ATP2C2: variants seen among roughly 807,000 people sequenced by gnomAD.
ATP2C2 encodes the protein calcium-transporting ATPase type 2C member 2.
A neutral mutation model predicts 110.8 loss-of-function variants in ATP2C2; 171 were observed. The observed-to-expected ratio is 1.54, with a 90% CI of 1.36 to 1.75. The LOEUF (loss-of-function observed/expected upper bound fraction) is 1.75. ATP2C2 is among the 40% of genes most tolerant of loss of function. ATP2C2 has a pLI of 0.00. For missense variants in ATP2C2, 1,963 were observed against 1,235.0 expected (o/e 1.59, Z -8.84); for synonymous variants, 804 against 508.4 (o/e 1.58, Z -7.82).
At chr16:84,384,737 C>T (rs1904298410) in intron 1 of ATP2C2, among the ~76,000 whole-genome samples, 1 of 152,104 alleles carries the variant, frequency 6.6e-6, no homozygotes. Flanking sequence ...TACATTAGTC[C>T]CTTCTCACAC....
intron 1 of ATP2C2, among the ~76,000 whole-genome samples, chr16:84,392,120 A>G (rs1904700942): frequency 6.6e-6 from 1 of 152,144 alleles, no homozygotes; most frequent in African/African-American, 2.4e-5. Context: ...TAATGGAATG[A>G]GCCCACATGA....
chr16:84,459,320 C>G lies in ATP2C2; in HGVS notation c.2267C>G (p.Pro756Arg). The G allele has an allele frequency of 6.2e-7, 1 of 1,614,200 alleles. No homozygotes were observed. The highest frequency in any genetic ancestry group is 1.3e-5 in the African/African-American group (1 of 75,044). ...LITLSTVFNL[P>R]SPLNAMQILW... ...ACTCTGTCCACCGTGTTCAACCTGC[C>G]CAGCCCCCTCAACGCCATGCAGATC... Residue 756 changes from proline (P) to arginine (R), a missense_variant, in exon 23 of 27, where the codon CCC becomes CGC. Pro to Arg is a moderately radical substitution (Grantham distance 103). Transcript: ENST00000262429.
intron 1 of ATP2C2, among the ~76,000 whole-genome samples, chr16:84,370,564 C>T (rs1320121754): frequency 6.6e-6 from 1 of 152,138 alleles, no homozygotes; most frequent in Non-Finnish European, 1.5e-5. Flanking sequence ...CAGACCTGAA[C>T]ACCTCCTTTG....
At chr16:84,444,077 G>A (rs764317760) in intron 15 of ATP2C2, among the ~76,000 whole-genome samples, 14 of 149,632 alleles carry the variant, frequency 9.4e-5, no homozygotes, top group Non-Finnish European at 2.1e-4. Context: ...TGAGGCAGGA[G>A]GATCCCTTGA....
At position 84,448,565 on chromosome 16, in the gene ATP2C2, C is replaced by G. The variant is rs367631917; in HGVS notation, c.1536C>G (p.Ala512=). The part of the protein sequence containing the change: ...DQEDIYFMKG[A]LEEVIRYCTM... ...AAGACATTTACTTCATGAAAGGGGC[C>G]TTGGAAGAGGTGATCCGCTACTGCA... Residue 512 remains alanine (A), a synonymous_variant, in exon 17 of 27, where the codon GCC becomes GCG. Coordinates refer to ENST00000262429, the MANE Select transcript of ATP2C2 (RefSeq NM_014861.4). 1 of 1,613,296 alleles carries G rather than the reference C, an allele frequency of 6.2e-7. No individual in the cohort carries two copies. The highest frequency in any genetic ancestry group is 8.5e-7 in the Non-Finnish European group (1 of 1,179,514).
intron 6 of ATP2C2, 165 bp downstream of exon 6, chr16:84,410,930 G>T (rs1249034681): frequency 4.4e-6 from 3 of 678,028 alleles, no homozygotes; most frequent in South Asian, 1.7e-5. Context: ...ATAGGTCGCT[G>T]TGTGTCCTCG....
chr16:84,409,013 CCAGA>C (rs1906035357), intron 4 of ATP2C2, among the ~76,000 whole-genome samples: 2 of 152,178 alleles, frequency 1.3e-5, no homozygotes, highest in African/African-American at 2.4e-5. Flanking sequence ...CCTGTGCTCA[CCAGA>C]CAGTCACTTC....
chr16:84,428,988 C>T (rs796696658), intron 11 of ATP2C2, among the ~76,000 whole-genome samples: 6 of 152,042 alleles, frequency 3.9e-5, no homozygotes, highest in African/African-American at 1.4e-4. Flanking sequence ...CCCAGGTTCT[C>T]GGTTTGTTTT....
chr16:84,437,551 C>T (rs1026077264), intron 11 of ATP2C2, among the ~76,000 whole-genome samples: 19 of 152,156 alleles, frequency 1.2e-4, no homozygotes, highest in African/African-American at 4.6e-4. Context: ...GAGTCTCACT[C>T]TGTCACCAGG....
intron 3 of ATP2C2, among the ~76,000 whole-genome samples, 174 bp downstream of exon 3, chr16:84,405,418 C>G (rs749299970): frequency 6.6e-6 from 1 of 152,198 alleles, no homozygotes; most frequent in East Asian, 1.9e-4. Flanking sequence ...CCCAGGCAAC[C>G]GCGATCAGGA....
intron 1 of ATP2C2, among the ~76,000 whole-genome samples, chr16:84,370,744 G>A (rs555226163): frequency 9.3e-5 from 14 of 150,692 alleles, no homozygotes; most frequent in African/African-American, 2.2e-4. Context: ...CAATAGAACC[G>A]TCTTTTATGA....
At chr16:84,386,851 C>G (rs1031145469) in intron 1 of ATP2C2, among the ~76,000 whole-genome samples, 8 of 152,082 alleles carry the variant, frequency 5.3e-5, no homozygotes, top group African/African-American at 1.9e-4. Flanking sequence ...TAGACCAGGC[C>G]GAGTCTGGGC....
chr16:84,402,390 G>T (rs1051071164), intron 2 of ATP2C2, among the ~76,000 whole-genome samples: 1 of 151,964 alleles, frequency 6.6e-6, no homozygotes, highest in African/African-American at 2.4e-5. Flanking sequence ...GGTATCCTAC[G>T]GGAAAAGCTT....
rs76795650 is a variant in ATP2C2 at position 84,454,907 on chromosome 16, C to T, written c.2070C>T (p.Ala690=). 715 of 1,614,018 alleles carry T rather than the reference C, an allele frequency of 4.4e-4. 14 individuals carry two copies. In the East Asian group the frequency reaches 0.016, roughly 35 times the overall value. Residue 690 remains alanine, a synonymous_variant, in exon 21 of 27, where the codon GCC becomes GCT. Coordinates refer to ENST00000262429, the MANE Select transcript of ATP2C2 (RefSeq NM_014861.4). ...VALKSADIGI[A]MGQTGTDVSK... ...TGAAGTCTGCAGACATTGGGATCGC[C>T]ATGGGGCAGACAGGGACGGACGTCA... is the stretch of plus-strand genomic sequence containing the variant.
At chr16:84,436,381 G>A (rs563149568) in intron 11 of ATP2C2, among the ~76,000 whole-genome samples, 12 of 152,256 alleles carry the variant, frequency 7.9e-5, no homozygotes, top group African/African-American at 2.6e-4. Context: ...GGGCTTGCTC[G>A]CCCTGGCCGA....
intron 1 of ATP2C2, among the ~76,000 whole-genome samples, chr16:84,392,663 A>G (rs900101627): frequency 3.9e-5 from 6 of 152,162 alleles, no homozygotes; most frequent in African/African-American, 9.7e-5. Context: ...GGCTTTCACC[A>G]TGTTGACAAG....
chr16:84,460,122 G>T lies in ATP2C2; in HGVS notation c.2334-532G>T, dbSNP rs575425847. The T allele has an allele frequency of 4.8e-4, 98 of 203,954 alleles. 3 individuals carry two copies. In the South Asian group the frequency reaches 8.8e-3, roughly 18 times the overall value. The allele number at this position is 203,954 out of a possible 1,614,324, so 12.6% of individuals were successfully genotyped here. ...TTGTGTCCCCAAAGCCAAGTGTGAG[G>T]GTTACCTCTCCTGCCAGCCCTCCCT... On this transcript the variant is annotated intron_variant, in intron 23 of 26. Coordinates refer to ENST00000262429, the MANE Select transcript of ATP2C2 (RefSeq NM_014861.4).
chr16:84,442,782 G>A (rs1487583509), intron 15 of ATP2C2, among the ~76,000 whole-genome samples, 183 bp downstream of exon 15: 2 of 152,254 alleles, frequency 1.3e-5, no homozygotes, highest in South Asian at 4.1e-4. Context: ...GAGATTCCAC[G>A]GGACTTCAGC....
At chr16:84,407,070 G>T (rs545340882) in intron 3 of ATP2C2, 1 of 152,366 alleles carries the variant, frequency 6.6e-6, no homozygotes, top group East Asian at 1.9e-4. Flanking sequence ...GCTCCTGACG[G>T]CTGGGTTTTC....
Sources: gnomAD v4.1 joint callset for allele counts (sites outside exome capture counted in the v4.1 genomes callset) on GRCh38, gnomAD v4.1.1 for gene constraint, MANE v1.5 for transcripts, NCBI Gene and HGNC (gene_info 2026-07-23, HGNC 2026-07-21) for gene names.